Variants in DLGAP2 observed in about 807,000 individuals in gnomAD.
DLGAP2 encodes disks large-associated protein 2.
In DLGAP2, 26 loss-of-function variants were observed where a neutral mutation model predicts 100.3. The ratio of observed to expected loss-of-function variants is 0.26; its 90% confidence interval spans 0.19 to 0.36. DLGAP2 has a LOEUF of 0.36. Among genes scored for constraint, DLGAP2 ranks in the 10% least tolerant of loss-of-function variants. DLGAP2 has a pLI of 1.00. For synonymous variants in DLGAP2, 886 were observed against 630.1 expected (o/e 1.41, Z -6.08); for missense variants, 1,858 against 1,453.2 (o/e 1.28, Z -4.53).
chr8:1,196,650 T>C (rs2116744605), intron 2 of DLGAP2, among the ~76,000 whole-genome samples: 1 of 151,530 alleles, frequency 6.6e-6, no homozygotes, highest in South Asian at 2.1e-4. Context: ...ATGAAAAGAG[T>C]AATTTGAAAA....
chr8:1,010,336 CAT>C (rs964392377), intron 2 of DLGAP2, among the ~76,000 whole-genome samples: 3 of 152,106 alleles, frequency 2.0e-5, no homozygotes, highest in Non-Finnish European at 2.9e-5. Context: ...CATGTGCCCA[CAT>C]ATGCACACAC....
At chr8:777,747 A>T (rs1385237353) in intron 1 of DLGAP2, among the ~76,000 whole-genome samples, 6 of 152,080 alleles carry the variant, frequency 3.9e-5, no homozygotes, top group Admixed American at 6.5e-5. Context: ...CTTCCCTTTG[A>T]GGGTAACCCG....
intron 3 of DLGAP2, among the ~76,000 whole-genome samples, chr8:1,415,821 C>T (rs1054455417): frequency 2.0e-5 from 3 of 152,140 alleles, no homozygotes; most frequent in African/African-American, 7.2e-5. Flanking sequence ...ATTTATTTTC[C>T]TTTGGGTATA....
At chr8:1,526,408 G>A (rs965815158) in intron 4 of DLGAP2, among the ~76,000 whole-genome samples, 1 of 152,002 alleles carries the variant, frequency 6.6e-6, no homozygotes, top group African/African-American at 2.4e-5. Flanking sequence ...TGGGTCCAAG[G>A]GCAGTCAGTG....
At chr8:807,618 C>G (rs1167194467) in intron 1 of DLGAP2, among the ~76,000 whole-genome samples, 5 of 150,000 alleles carry the variant, frequency 3.3e-5, no homozygotes, top group African/African-American at 1.2e-4. Flanking sequence ...CATATGTTCT[C>G]TCTCCTCTTT....
At chr8:1,174,626 C>G (rs1480531156) in intron 2 of DLGAP2, among the ~76,000 whole-genome samples, 2 of 151,578 alleles carry the variant, frequency 1.3e-5, no homozygotes, top group Non-Finnish European at 2.9e-5. Context: ...ATCATTATTA[C>G]TGCCACCATC....
At chr8:1,169,239 A>G (rs1248686541) in intron 2 of DLGAP2, among the ~76,000 whole-genome samples, 12 of 152,112 alleles carry the variant, frequency 7.9e-5, no homozygotes, top group Non-Finnish European at 1.8e-4. Flanking sequence ...CTATTGATCT[A>G]TATCTCTGTT....
chr8:1,240,006 T>C (rs1798749371), intron 2 of DLGAP2, among the ~76,000 whole-genome samples: 2 of 141,034 alleles, frequency 1.4e-5, no homozygotes, highest in African/African-American at 2.7e-5. Flanking sequence ...ACACAGAGCA[T>C]CGTGTCTAGT....
chr8:1,489,775 C>A (rs1051730079), intron 3 of DLGAP2, among the ~76,000 whole-genome samples: 2 of 152,190 alleles, frequency 1.3e-5, no homozygotes, highest in Non-Finnish European at 2.9e-5. Context: ...CCAATTCTCA[C>A]GTAACGTTAC....
intron 1 of DLGAP2, among the ~76,000 whole-genome samples, chr8:778,958 T>G (rs1047579040): frequency 2.6e-5 from 4 of 152,222 alleles, no homozygotes; most frequent in African/African-American, 9.6e-5. Flanking sequence ...CACCTTGCAG[T>G]TTGATCTCAG....
chr8:1,443,429 T>C (rs1436330664), intron 3 of DLGAP2, among the ~76,000 whole-genome samples: 1 of 152,238 alleles, frequency 6.6e-6, no homozygotes, highest in Non-Finnish European at 1.5e-5. Context: ...GGTTTATTTC[T>C]GCCAGTTTCA....
chr8:1,256,548 G>A (rs1353965609), intron 2 of DLGAP2, among the ~76,000 whole-genome samples: 1 of 148,824 alleles, frequency 6.7e-6, no homozygotes, highest in African/African-American at 2.5e-5. Flanking sequence ...CAGGCGCTGT[G>A]TGTGTGTCCT....
chr8:1,187,544 C>G (rs1211272452), intron 2 of DLGAP2, among the ~76,000 whole-genome samples: 1 of 147,006 alleles, frequency 6.8e-6, no homozygotes, highest in Non-Finnish European at 1.5e-5. Flanking sequence ...CACCCGGGAC[C>G]TCCGTGACGT....
At chr8:1,392,416 C>A (rs1471278160) in intron 3 of DLGAP2, among the ~76,000 whole-genome samples, 1 of 152,174 alleles carries the variant, frequency 6.6e-6, no homozygotes, top group Admixed American at 6.5e-5. Flanking sequence ...ACCTGTGGCC[C>A]CCGTCGGCCT....
intron 10 of DLGAP2, among the ~76,000 whole-genome samples, chr8:1,675,925 AC>A (rs1167109039): frequency 6.6e-6 from 1 of 151,010 alleles, no homozygotes; most frequent in Admixed American, 6.6e-5. Flanking sequence ...GTTTGTGGGG[AC>A]TTTTTGGCAA....
At chr8:1,264,005 A>G (rs544688676) in intron 3 of DLGAP2, among the ~76,000 whole-genome samples, 3 of 152,264 alleles carry the variant, frequency 2.0e-5, no homozygotes, top group South Asian at 4.2e-4. Context: ...TTTTGGTGGA[A>G]ATCAGAAAAC....
intron 6 of DLGAP2, among the ~76,000 whole-genome samples, chr8:1,622,934 C>A (rs1797384393): frequency 6.6e-6 from 1 of 152,140 alleles, no homozygotes; most frequent in Non-Finnish European, 1.5e-5. Flanking sequence ...CCCTGTGTCA[C>A]CTGGCGGGGC....
chr8:865,334 G>A (rs971134447), intron 1 of DLGAP2, among the ~76,000 whole-genome samples: 7 of 152,218 alleles, frequency 4.6e-5, no homozygotes, highest in Non-Finnish European at 2.9e-5. Flanking sequence ...TCATGCCACA[G>A]GCTCATGCTT....
intron 3 of DLGAP2, among the ~76,000 whole-genome samples, chr8:1,486,555 C>T (rs1799241059): frequency 6.6e-6 from 1 of 152,206 alleles, no homozygotes; most frequent in South Asian, 2.1e-4. Flanking sequence ...GGGGGAATTT[C>T]TCGGTTTCCT....
Sources: gnomAD v4.1 joint callset for allele counts (sites outside exome capture counted in the v4.1 genomes callset) on GRCh38, gnomAD v4.1.1 for gene constraint, MANE v1.5 for transcripts, NCBI Gene and HGNC (gene_info 2026-07-23, HGNC 2026-07-21) for gene names.